The following DLG2 variants were observed in gnomAD, a reference collection of about 807,000 sequenced individuals.
DLG2 encodes disks large homolog 2.
In DLG2, 45 loss-of-function variants were observed where a neutral mutation model predicts 132.5. That is an observed-to-expected ratio of 0.34 (90% CI 0.27 to 0.44). The LOEUF is 0.44. DLG2 is among the 20% of genes least tolerant of loss of function. DLG2 has a pLI of 1.00. For missense variants in DLG2, 1,045 were observed against 1,196.9 expected (o/e 0.87, Z 1.87); for synonymous variants, 424 against 419.6 (o/e 1.01, Z -0.13).
intron 18 of DLG2, among the ~76,000 whole-genome samples, chr11:83,745,714 A>C (rs969133552): frequency 6.6e-6 from 1 of 152,090 alleles, no homozygotes; most frequent in African/African-American, 2.4e-5. Context: ...AGATAGGAGA[A>C]CTGCTTGAAC....
chr11:84,226,805 T>C (rs968058518), intron 8 of DLG2, among the ~76,000 whole-genome samples: 10 of 151,942 alleles, frequency 6.6e-5, no homozygotes, highest in African/African-American at 2.4e-4. Context: ...TGCCTTGGAA[T>C]GACTGGGCAC....
chr11:85,158,803 T>C lies in DLG2; in HGVS notation c.187-4152A>G, dbSNP rs765206175. 8.5e-5 allele frequency among the ~76,000 whole-genome samples: 12 copies of C among 140,426 alleles called. No individual in the cohort carries two copies. In the South Asian group the frequency reaches 2.5e-3, roughly 30 times the overall value. 92.1% of individuals were successfully genotyped at this position (140,426 alleles called of 152,430 possible). ...AGCTCTGGCACTGGCTAATTAATCA[T>C]AGTGTTTCTAGAAGTGAAATTGATA... On this transcript the variant is annotated intron_variant, in intron 4 of 27. Transcript: ENST00000376104.
intron 7 of DLG2, among the ~76,000 whole-genome samples, chr11:84,466,937 G>A (rs2099095990): frequency 6.6e-6 from 1 of 151,194 alleles, no homozygotes; most frequent in South Asian, 2.1e-4. Context: ...AATTTTAAGG[G>A]AACATTATGC....
chr11:84,201,588 T>G (rs2154299368), intron 8 of DLG2, among the ~76,000 whole-genome samples: 1 of 151,682 alleles, frequency 6.6e-6, no homozygotes, highest in East Asian at 1.9e-4. Flanking sequence ...GGCTTTTTTT[T>G]TTTTTTTATT....
chr11:85,111,648 T>A lies in DLG2; in HGVS notation c.357+13A>T. Reference sequence around the variant, plus strand: ...ATCCTTCAATCTGCTAATCTTGGAATAATCAAACTTACAGTACAGTGGTGG... The same window carrying A: ...ATCCTTCAATCTGCTAATCTTGGAAAAATCAAACTTACAGTACAGTGGTGG... On this transcript the variant is annotated intron_variant, in intron 6 of 27. Transcript: ENST00000376104. 6.5e-7 allele frequency: 1 copy of A among 1,544,688 alleles called. No individual in the cohort carries two copies. Among genetic ancestry groups the A allele is most frequent in the Non-Finnish European group, 8.7e-7 (1 of 1,142,986 alleles).
chr11:83,545,002 A>T (rs1362676832), intron 19 of DLG2, among the ~76,000 whole-genome samples: 1 of 152,108 alleles, frequency 6.6e-6, no homozygotes, highest in African/African-American at 2.4e-5. Flanking sequence ...CTTACTGCTC[A>T]GTCCTTGTCC....
chr11:84,502,070 T>A (rs971681621), intron 7 of DLG2, among the ~76,000 whole-genome samples: 3 of 151,594 alleles, frequency 2.0e-5, no homozygotes, highest in Non-Finnish European at 4.4e-5. Context: ...TTTTCTTTTC[T>A]TTTTCCTTCC....
At chr11:84,783,809 A>G (rs2072285044) in intron 6 of DLG2, among the ~76,000 whole-genome samples, 1 of 152,062 alleles carries the variant, frequency 6.6e-6, no homozygotes, top group African/African-American at 2.4e-5. Context: ...CATGTCAAAT[A>G]ATTATTGGTA....
intron 3 of DLG2, among the ~76,000 whole-genome samples, chr11:85,507,184 T>C (rs946469125): frequency 6.6e-6 from 1 of 152,218 alleles, no homozygotes; most frequent in African/African-American, 2.4e-5. Context: ...TCTTTGTCTT[T>C]TAATTGGGGC....
intron 5 of DLG2, among the ~76,000 whole-genome samples, chr11:85,147,949 T>G (rs1392503594): frequency 1.3e-5 from 2 of 150,478 alleles, no homozygotes; most frequent in Non-Finnish European, 3.0e-5. Context: ...TTCCCCACAC[T>G]GTGTCCATGT....
chr11:83,547,748 A>T (rs2096276876), intron 19 of DLG2, among the ~76,000 whole-genome samples: 1 of 152,188 alleles, frequency 6.6e-6, no homozygotes. Flanking sequence ...CTATAAGATA[A>T]TAAATTTGTG....
At chr11:84,634,148 T>G (rs2154544175) in intron 6 of DLG2, among the ~76,000 whole-genome samples, 1 of 152,270 alleles carries the variant, frequency 6.6e-6, no homozygotes, top group Non-Finnish European at 1.5e-5. Flanking sequence ...GAAATCTGGA[T>G]TTGAGATCTT....
intron 15 of DLG2, among the ~76,000 whole-genome samples, chr11:83,907,062 G>A (rs905985983): frequency 6.6e-6 from 1 of 152,156 alleles, no homozygotes; most frequent in South Asian, 2.1e-4. Flanking sequence ...GTAGGAGATG[G>A]CATTTGAAGA....
intron 9 of DLG2, among the ~76,000 whole-genome samples, chr11:84,122,791 G>A (rs188769889): frequency 2.0e-4 from 30 of 152,088 alleles, no homozygotes; most frequent in Admixed American, 3.9e-4. Context: ...TTATAATCTC[G>A]TGGTATTCAT....
intron 4 of DLG2, among the ~76,000 whole-genome samples, chr11:85,157,007 A>T (rs1175899225): frequency 6.6e-6 from 1 of 152,190 alleles, no homozygotes; most frequent in East Asian, 1.9e-4. Flanking sequence ...GGGATGGGAA[A>T]GGCAGACTTA....
chr11:85,220,270 G>A (rs755823864), intron 4 of DLG2, among the ~76,000 whole-genome samples: 8 of 152,062 alleles, frequency 5.3e-5, no homozygotes, highest in East Asian at 1.9e-4. Context: ...ACTGTTTAAC[G>A]TGGTGACTAA....
intron 6 of DLG2, among the ~76,000 whole-genome samples, chr11:84,714,589 T>TC (rs2060880691): frequency 4.0e-5 from 5 of 125,994 alleles, no homozygotes; most frequent in African/African-American, 1.8e-4. Context: ...CTCTTTCTCT[T>TC]TCTCTTTCTT....
intron 15 of DLG2, among the ~76,000 whole-genome samples, chr11:83,902,336 G>T (rs1452931976): frequency 6.6e-6 from 1 of 152,088 alleles, no homozygotes; most frequent in Non-Finnish European, 1.5e-5. Flanking sequence ...AGTTTAGAGG[G>T]TTCATTTGAA....
intron 19 of DLG2, among the ~76,000 whole-genome samples, chr11:83,619,011 A>T (rs144955336): frequency 6.6e-6 from 1 of 152,164 alleles, no homozygotes; most frequent in Non-Finnish European, 1.5e-5. Context: ...ACAGCATCCT[A>T]TGTAGTATTT....
Sources: allele counts gnomAD v4.1 joint callset (sites outside exome capture counted in the v4.1 genomes callset), GRCh38; gene constraint gnomAD v4.1.1; transcripts MANE v1.5; gene names NCBI Gene and HGNC (gene_info 2026-07-23, HGNC 2026-07-21).